SCIMP: variants seen among roughly 807,000 people sequenced by gnomAD.
SCIMP encodes SLP adaptor and CSK interacting membrane protein, also known as SLP adapter and CSK-interacting membrane protein.
In SCIMP, 18 loss-of-function variants were observed where a neutral mutation model predicts 22.0. That is an observed-to-expected ratio of 0.82 (90% CI 0.56 to 1.21). SCIMP has a LOEUF of 1.21. Among genes scored for constraint, SCIMP ranks in the 50% most tolerant of loss-of-function variants. The pLI is 0.00. For synonymous variants in SCIMP, 53 were observed against 62.2 expected, an observed-to-expected ratio of 0.85 and a Z score of 0.70; for missense variants, 155 against 171.2, an observed-to-expected ratio of 0.91 and a Z score of 0.53.
In SCIMP at chr17:5,221,243, G is replaced by T. The variant is rs530080808; in HGVS notation, c.209+44C>A. Reference sequence around the variant, plus strand: ...GAGGGGCAAGGGTGGAAGGGAACAGGCAGTTCTCAACAGTAAAAAGCGGAA... The same window carrying T: ...GAGGGGCAAGGGTGGAAGGGAACAGTCAGTTCTCAACAGTAAAAAGCGGAA... On this transcript the variant is annotated intron_variant, in intron 3 of 4. Transcript: ENST00000574081. 1.5e-5 allele frequency: 21 copies of T among 1,377,892 alleles called. No homozygotes were observed. The South Asian group carries it at 1.6e-4, about 11-fold the overall frequency. The allele number at this position is 1,377,892 out of a possible 1,614,324, so 85.4% of individuals were successfully genotyped here.
At chr17:5,223,264 A>G (rs2074621726) in intron 2 of SCIMP, 69 bp downstream of exon 2, 1 of 1,554,330 alleles carries the variant, frequency 6.4e-7, no homozygotes, top group Non-Finnish European at 8.8e-7. Flanking sequence ...TGCTTGCCCT[A>G]AAGGAGCTCT....
chr17:5,224,940 G>A (rs997298489), intron 1 of SCIMP, among the ~76,000 whole-genome samples: 1 of 152,118 alleles, frequency 6.6e-6, no homozygotes, highest in Non-Finnish European at 1.5e-5. Context: ...AGAGTTAACA[G>A]GCATTTGGGG....
chr17:5,222,813 C>T lies in SCIMP; in HGVS notation c.145+520G>A, dbSNP rs542154984. The stretch of plus-strand genomic sequence containing the variant: ...CTGAGTAGCTGGGATTACAGGCACC[C>T]GTCACCACACCCAGCTAATTTTTGT... On this transcript the variant is annotated intron_variant, in intron 2 of 4. Coordinates refer to ENST00000574081, the MANE Select transcript of SCIMP (RefSeq NM_207103.3). Among the ~76,000 whole-genome samples, 8 of 152,140 alleles carry T rather than the reference C, an allele frequency of 5.3e-5. No individual in the cohort carries two copies. The East Asian group carries it at 1.2e-3, about 22-fold the overall frequency.
At chr17:5,230,042 G>A (rs1467866607) in intron 1 of SCIMP, among the ~76,000 whole-genome samples, 3 of 151,832 alleles carry the variant, frequency 2.0e-5, no homozygotes, top group African/African-American at 7.3e-5. Context: ...TGCCTAGGCT[G>A]GTTTCAAACT....
chr17:5,223,440 C>T lies in SCIMP; in HGVS notation c.38G>A (p.Ser13Asn). The part of the protein sequence containing the change: ...TFTVQDSTAM[S>N]WWRNNFWIIL... ...GATCCAGAAATTATTCCTCCACCAG[C>T]TCATTGCAGTGGAATCCTGAGAAGA... The change falls in exon 2 of 5, where the codon AGC becomes AAC. Residue 13 changes from serine to asparagine, a missense_variant. By Grantham distance (46) the Ser-to-Asn change is conservative. Transcript: ENST00000574081. 6.2e-7 allele frequency: 1 copy of T among 1,613,434 alleles called. No individual in the cohort carries two copies. The highest frequency in any genetic ancestry group is 1.6e-4 in the Middle Eastern group (1 of 6,062).
chr17:5,219,298 G>A (rs922992942), intron 3 of SCIMP, among the ~76,000 whole-genome samples: 3 of 150,216 alleles, frequency 2.0e-5, no homozygotes, highest in Non-Finnish European at 4.4e-5. Context: ...CAGCCTGGGT[G>A]ACAGAGCGAG....
Position 5,223,454 on chromosome 17 carries a change from A to T in SCIMP, c.24T>A (p.Asp8Glu). 6.2e-7 allele frequency: 1 copy of T among 1,613,672 alleles called. No homozygotes were observed. Residue 8 changes from aspartate (D) to glutamate (E), a missense_variant and splice_region_variant, in exon 2 of 5, where the codon GAT becomes GAA. Coordinates refer to ENST00000574081, the MANE Select transcript of SCIMP (RefSeq NM_207103.3). Reference protein sequence around the residue: MDTFTVQDSTAMSWWRNN... With the variant: MDTFTVQESTAMSWWRNN... ...TCCTCCACCAGCTCATTGCAGTGGA[A>T]TCCTGAGAAGAATGGAGAGAGAAGA...
rs1313497059 is a variant in SCIMP, at chr17:5,210,772, A to G, written c.*29T>C. The G allele has an allele frequency of 6.2e-7, 1 of 1,600,344 alleles. No homozygotes were observed. Among genetic ancestry groups the G allele is most frequent in the East Asian group, 2.2e-5 (1 of 44,806 alleles). On this transcript the variant is annotated 3_prime_UTR_variant, in exon 5 of 5. Transcript: ENST00000574081. The stretch of plus-strand genomic sequence containing the variant: ...AAAATAAGTTGTGTGAACCCTCTTC[A>G]GTTTTGCCAAAAAGAAGAAATGGCT...
rs1317592502 is a variant in SCIMP at position 5,234,824 on chromosome 17, CCTCA to C, written c.-73_-70del. 1.3e-6 allele frequency: 2 copies of C among 1,572,560 alleles called. No individual in the cohort carries two copies. The highest frequency in any genetic ancestry group is 1.2e-5 in the South Asian group (1 of 85,824). On this transcript the variant is annotated 5_prime_UTR_variant, in exon 1 of 5. Transcript: ENST00000574081. Reference sequence around the variant, plus strand: ...TCAGGCACAGCTGGTGAGAGGCATTCCTCACTCACAGGCCTTCACCCACTGCTAG... The same window carrying C: ...TCAGGCACAGCTGGTGAGAGGCATTCCTCACAGGCCTTCACCCACTGCTAG...
At chr17:5,225,828 T>C (rs1439035430) in intron 1 of SCIMP, among the ~76,000 whole-genome samples, 1 of 151,584 alleles carries the variant, frequency 6.6e-6, no homozygotes, top group Admixed American at 6.6e-5. Flanking sequence ...AGCTGGTTGC[T>C]CTCAAGTTCC....
intron 3 of SCIMP, among the ~76,000 whole-genome samples, chr17:5,215,936 T>A (rs1050580748): frequency 6.6e-6 from 1 of 152,076 alleles, no homozygotes; most frequent in Non-Finnish European, 1.5e-5. Context: ...ACATTGGTAA[T>A]CCCAGCACTT....
Position 5,229,384 on chromosome 17 carries a change from CTTTTTT to C in SCIMP, c.21+5345_21+5350del, listed in dbSNP as rs71151849. On this transcript the variant is annotated intron_variant, in intron 1 of 4. Coordinates refer to ENST00000574081, the MANE Select transcript of SCIMP (RefSeq NM_207103.3). ...TTTCTGAGACTGTGGGTTTATTTAG[CTTTTTT>C]TTTTTTTTTTTTTTTTTTTTTGAGA... Among the ~76,000 whole-genome samples, 41 of 59,308 alleles carry C rather than the reference CTTTTTT, an allele frequency of 6.9e-4. 1 individual carries two copies. The South Asian group carries it at 0.02, about 29-fold the overall frequency. The allele number at this position is 59,308 out of a possible 152,430, so 38.9% of individuals were successfully genotyped here.
intron 1 of SCIMP, 132 bp from the exon 2 acceptor site, chr17:5,223,588 G>A (rs1005726234): frequency 3.7e-6 from 3 of 818,500 alleles, no homozygotes; most frequent in South Asian, 1.4e-5. Context: ...TGTCGCCCAG[G>A]CTGGAGTGCA....
At chr17:5,226,056 CA>C (rs1458613057) in intron 1 of SCIMP, among the ~76,000 whole-genome samples, 1 of 152,082 alleles carries the variant, frequency 6.6e-6, no homozygotes, top group African/African-American at 2.4e-5. Flanking sequence ...GGTGTGAGAA[CA>C]GAGGAAAAAC....
At chr17:5,213,334 C>A in intron 4 of SCIMP, 1 of 756,668 alleles carries the variant, frequency 1.3e-6, no homozygotes, top group Non-Finnish European at 1.6e-6. Context: ...TCACTGCAGA[C>A]CTCCCAGGCT....
At chr17:5,230,952 A>G (rs2074689012) in intron 1 of SCIMP, among the ~76,000 whole-genome samples, 1 of 152,174 alleles carries the variant, frequency 6.6e-6, no homozygotes, top group South Asian at 2.1e-4. Flanking sequence ...AAAAAAGAAA[A>G]AAGCCTATAG....
intron 2 of SCIMP, among the ~76,000 whole-genome samples, chr17:5,222,910 C>G (rs895796595): frequency 7.2e-5 from 11 of 152,170 alleles, no homozygotes; most frequent in African/African-American, 2.7e-4. Flanking sequence ...GAGGATCCCA[C>G]CACCTGGGCT....
chr17:5,213,931 C>G (rs150225588), intron 4 of SCIMP: 1 of 152,180 alleles, frequency 6.6e-6, no homozygotes, highest in African/African-American at 2.4e-5. Context: ...TTCAGGTGTT[C>G]AAGCCTTAAC....
intron 1 of SCIMP, among the ~76,000 whole-genome samples, chr17:5,232,364 G>GTAAACAGTACAGTA (rs1555615390): frequency 2.8e-4 from 2 of 7,154 alleles, no homozygotes; most frequent in East Asian, 9.1e-4. Flanking sequence ...ACAGTGCAGT[G>GTAAACAGTACAGTA]TAAACAGTGC....
Sources: allele counts gnomAD v4.1 joint callset (sites outside exome capture counted in the v4.1 genomes callset), GRCh38; gene constraint gnomAD v4.1.1; transcripts MANE v1.5; gene names NCBI Gene and HGNC (gene_info 2026-07-23, HGNC 2026-07-21).